The following CDC20B variants were observed in gnomAD, a reference collection of about 807,000 sequenced individuals.
The protein encoded by CDC20B is cell division cycle 20B, also known as cell division cycle protein 20 homolog B.
CDC20B carries 58 observed loss-of-function variants against 64.1 expected under a neutral mutation model. The ratio of observed to expected loss-of-function variants is 0.90; its 90% CI spans 0.73 to 1.13. The LOEUF is 1.13. CDC20B is among the 50% of genes most tolerant of loss of function. CDC20B has a pLI of 0.00. For missense variants in CDC20B, 597 were observed against 633.0 expected (o/e 0.94, Z 0.61); for synonymous variants, 243 against 230.6 (o/e 1.05, Z -0.49).
At chr5:55,126,474 A>AAAAAAAAAAAAAAAAAAAAC (rs1742896639) in intron 8 of CDC20B, 1 of 294,076 alleles carries the variant, frequency 3.4e-6, no homozygotes, top group Non-Finnish European at 6.5e-6. Context: ...GTCAAAAAAA[A>AAAAAAAAAAAAAAAAAAAAC]AAAAAAAAAA....
rs992265667 is a variant in CDC20B at position 55,124,803 on chromosome 5, C to A, written c.1215G>T (p.Lys405Asn). Reference protein sequence around the residue: ...LKVITQSTAVKAMDWCPWQSG... With the variant: ...LKVITQSTAVNAMDWCPWQSG... ...CCTAGAAATCTATTGGGTTTCTTAC[C>A]TTGACTGCCGTAGACTGGGTTATGA... Residue 405 changes from lysine to asparagine, a missense_variant and splice_region_variant, in exon 9 of 12, where the codon AAG (lysine) becomes AAT (asparagine). Physicochemically the swap from Lys to Asn is moderately conservative, Grantham distance 94. Around this residue, in one of 3 missense-constraint regions of CDC20B, gnomAD observed 353 missense variants for 397.0 expected, o/e 0.89. Coordinates refer to ENST00000381375, the MANE Select transcript of CDC20B (RefSeq NM_001170402.1). 5 of 1,612,322 alleles carry A rather than the reference C, an allele frequency of 3.1e-6. No homozygotes were observed. The Admixed American group carries it at 8.3e-5, about 27-fold the overall frequency.
intron 2 of CDC20B, among the ~76,000 whole-genome samples, chr5:55,150,394 T>C (rs951520226): frequency 6.6e-6 from 1 of 152,228 alleles, no homozygotes; most frequent in African/African-American, 2.4e-5. Flanking sequence ...TTGGGTTTTT[T>C]ACTAAGCGTG....
chr5:55,163,728 A>G (rs773938853), intron 2 of CDC20B, among the ~76,000 whole-genome samples: 1 of 150,660 alleles, frequency 6.6e-6, no homozygotes, highest in Non-Finnish European at 1.5e-5. Flanking sequence ...GGCTGGTCTT[A>G]AACTCCTGAT....
At chr5:55,141,418 A>G (rs978337147) in intron 4 of CDC20B, among the ~76,000 whole-genome samples, 5 of 152,222 alleles carry the variant, frequency 3.3e-5, no homozygotes. Context: ...CAGGGCAATT[A>G]TACCTTTTAC....
At chr5:55,163,034 C>T (rs1435967284) in intron 2 of CDC20B, among the ~76,000 whole-genome samples, 1 of 152,224 alleles carries the variant, frequency 6.6e-6, no homozygotes, top group Non-Finnish European at 1.5e-5. Context: ...CTCATAGGGT[C>T]CCTGTAAGAT....
rs773815311 is a variant in CDC20B, at chr5:55,114,272, G to T, written c.1506C>A (p.Thr502=). ...CATCAGCTGCAGCAGAAAACACCCG[G>T]GTCTGGTCTGGACTCAAAGACAGGT... The part of the protein sequence containing the change: ...VLHLSLSPDQ[T]RVFSAAADGT... The change falls in exon 12 of 12, where the codon ACC becomes ACA. Residue 502 remains threonine, a synonymous_variant. Coordinates refer to ENST00000381375, the MANE Select transcript of CDC20B (RefSeq NM_001170402.1). This position sits in a 1 kb window ranked among gnomAD's most constrained non-coding sequence, Gnocchi z 4.1. The T allele has an allele frequency of 1.2e-6, 2 of 1,613,868 alleles. No homozygotes were observed. The highest frequency in any genetic ancestry group is 2.2e-5 in the South Asian group (2 of 91,070).
chr5:55,151,499 C>G (rs768562690), intron 2 of CDC20B, among the ~76,000 whole-genome samples: 1 of 152,082 alleles, frequency 6.6e-6, no homozygotes, highest in Admixed American at 6.5e-5. Context: ...AGCAAAATTC[C>G]AAAGAAATTC....
In CDC20B at chr5:55,113,881, A is replaced by C; in HGVS notation, c.*337T>G. 5.0e-6 allele frequency: 1 copy of C among 199,506 alleles called. No individual in the cohort carries two copies. 12.4% of individuals were successfully genotyped at this position (199,506 alleles called of 1,614,324 possible). A position where few individuals can be genotyped will look rare whatever the true frequency, so the allele number is the denominator to read the frequency against. ...AGAAATATGAGGTTTGGAGCTGGGGAGAAAAGTCATACGGGAAAGAAGTAG... is the reference window on the plus strand; with the variant it reads ...AGAAATATGAGGTTTGGAGCTGGGGCGAAAAGTCATACGGGAAAGAAGTAG... On this transcript the variant is annotated 3_prime_UTR_variant, in exon 12 of 12. Coordinates refer to ENST00000381375, the MANE Select transcript of CDC20B (RefSeq NM_001170402.1).
At position 55,113,719 on chromosome 5, in the gene CDC20B, T is replaced by C. The variant is rs1424870602; in HGVS notation, c.*499A>G. 6.5e-6 allele frequency: 1 copy of C among 153,370 alleles called. No individual in the cohort carries two copies. 9.5% of individuals were successfully genotyped at this position (153,370 alleles called of 1,614,324 possible). ...GAACTGATTTTTAGAGAGAGCAATA[T>C]GCATGCTTAACATACTGCCTAGCAT... On this transcript the variant is annotated 3_prime_UTR_variant, in exon 12 of 12. Coordinates refer to ENST00000381375, the MANE Select transcript of CDC20B (RefSeq NM_001170402.1).
chr5:55,120,424 C>A lies in CDC20B; in HGVS notation c.1341+1G>T, dbSNP rs1561285207. 1.2e-6 allele frequency: 2 copies of A among 1,613,558 alleles called. No homozygotes were observed. Among genetic ancestry groups the A allele is most frequent in the East Asian group, 2.2e-5 (1 of 44,846 alleles). On this transcript the variant is annotated splice_donor_variant, in intron 10 of 11. Coordinates refer to ENST00000381375, the MANE Select transcript of CDC20B (RefSeq NM_001170402.1). LOFTEE classifies it high-confidence loss of function. Reference sequence around the variant, plus strand: ...AGATGAAGCCCAGAGGAGATATTAACCTGTGAGTTTGTGCTTGGGGTCTGG... The same window carrying A: ...AGATGAAGCCCAGAGGAGATATTAAACTGTGAGTTTGTGCTTGGGGTCTGG...
chr5:55,150,821 C>T (rs538548541), intron 2 of CDC20B, among the ~76,000 whole-genome samples: 4 of 152,192 alleles, frequency 2.6e-5, no homozygotes, highest in East Asian at 3.9e-4. Flanking sequence ...CATGGCTCAC[C>T]GCAGTCTCGA....
At chr5:55,162,220 A>G (rs528853721) in intron 2 of CDC20B, among the ~76,000 whole-genome samples, 1 of 152,028 alleles carries the variant, frequency 6.6e-6, no homozygotes, top group African/African-American at 2.4e-5. Flanking sequence ...ATATGGTGAA[A>G]CCCCATCTCT....
At chr5:55,119,605 G>A (rs1474159046) in intron 11 of CDC20B, among the ~76,000 whole-genome samples, 196 bp downstream of exon 11, 9 of 152,190 alleles carry the variant, frequency 5.9e-5, no homozygotes, top group African/African-American at 1.7e-4. Flanking sequence ...AATTTAAAGT[G>A]ATGAACAATC....
chr5:55,172,939 C>T lies in CDC20B; in HGVS notation c.62G>A (p.Trp21Ter). ...AATGCAGAAAAGGGTGTTACTCACC[C>T]ACAGCATCTCCTCTTCCGTGCGGAC... is the stretch of plus-strand genomic sequence containing the variant. ...RRVRTEEEML[W>*]ESIMRVLSKD... Residue 21 changes from tryptophan (W) to a stop codon, truncating the protein, a stop_gained and splice_region_variant, in exon 1 of 12, where the codon TGG (tryptophan) becomes TAG (stop). Transcript: ENST00000381375. LOFTEE classifies it high-confidence loss of function. The T allele has an allele frequency of 6.2e-7, 1 of 1,607,528 alleles. No homozygotes were observed. Among genetic ancestry groups the T allele is most frequent in the Non-Finnish European group, 8.5e-7 (1 of 1,177,066 alleles).
In CDC20B at chr5:55,114,203, T is replaced by C; in HGVS notation, c.*15A>G. On this transcript the variant is annotated 3_prime_UTR_variant, in exon 12 of 12. Transcript: ENST00000381375. This position sits in a 1 kb window ranked among gnomAD's most constrained non-coding sequence, Gnocchi z 4.1. ...ACTCAGAAATAAGGAAACTGAAACC[T>C]AGAGGGGCTGGGTGCTAGTAGCAAT... The C allele has an allele frequency of 1.2e-6, 2 of 1,611,254 alleles. No individual in the cohort carries two copies. The highest frequency in any genetic ancestry group is 1.7e-6 in the Non-Finnish European group (2 of 1,178,738).
At chr5:55,132,717 A>G (rs1743061239) in intron 6 of CDC20B, among the ~76,000 whole-genome samples, 1 of 152,226 alleles carries the variant, frequency 6.6e-6, no homozygotes, top group Non-Finnish European at 1.5e-5. Flanking sequence ...AAACAAATCT[A>G]AATTTCTGAA....
Position 55,146,723 on chromosome 5 carries a change from G to C in CDC20B, c.260C>G (p.Ser87Cys), listed in dbSNP as rs755234113. ...TGACTGCTCTTCCCCAAAGGAATCA[G>C]AGGACAGAGCCCTAGTTTGACTTTG... ...WQQSQTRALS[S>C]DSFGEEQSTT... Residue 87 changes from serine to cysteine, a missense_variant, in exon 3 of 12, where the codon TCT becomes TGT. Transcript: ENST00000381375. The C allele has an allele frequency of 6.2e-7, 1 of 1,614,174 alleles. No homozygotes were observed.
rs138448688 is a variant in CDC20B, at chr5:55,122,846, A to C, written c.1215+1957T>G. Among the ~76,000 whole-genome samples the C allele has an allele frequency of 1.3e-3, 203 of 152,218 alleles. 7 individuals are homozygous for C. In the East Asian group the frequency reaches 0.036, roughly 27 times the overall value. On this transcript the variant is annotated intron_variant, in intron 9 of 11. Transcript: ENST00000381375. The stretch of plus-strand genomic sequence containing the variant: ...GCAAACAAGTGGTCCAGCCTCCCAC[A>C]CTTTTAGCTTCCGATGCTGTCTGAC...
Position 55,160,300 on chromosome 5 carries a change from A to G in CDC20B, c.126+12288T>C. On this transcript the variant is annotated intron_variant, in intron 2 of 11. Coordinates refer to ENST00000381375, the MANE Select transcript of CDC20B (RefSeq NM_001170402.1). ...GCACAGTAACGCTATTTCTTCTACA[A>G]CTAAAATTCCTCAAACCTAAAATCA... is the stretch of plus-strand genomic sequence containing the variant. The G allele has an allele frequency of 1.9e-6, 3 of 1,613,896 alleles. No homozygotes were observed. In the Middle Eastern group the frequency reaches 5.0e-4, roughly 268 times the overall value.
Sources: allele counts gnomAD v4.1 joint callset (sites outside exome capture counted in the v4.1 genomes callset), GRCh38; gene constraint gnomAD v4.1.1; regional missense constraint gnomAD v4.1.1; non-coding constraint Gnocchi (gnomAD v3.1); transcripts MANE v1.5; gene names NCBI Gene and HGNC (gene_info 2026-07-23, HGNC 2026-07-21).